SPIN1: variants seen among roughly 807,000 people sequenced by gnomAD.
SPIN1 encodes spindlin-1.
SPIN1 carries 3 observed loss-of-function variants against 26.0 expected under a neutral mutation model. The observed-to-expected ratio is 0.12, with a 90% CI of 0.05 to 0.30. SPIN1 has a LOEUF of 0.30. Among genes scored for constraint, SPIN1 ranks in the 10% least tolerant of loss-of-function variants. SPIN1 has a pLI of 1.00. For missense variants in SPIN1, 126 were observed against 333.4 expected (o/e 0.38, Z 4.84); for synonymous variants, 101 against 116.5 (o/e 0.87, Z 0.86).
intron 1 of SPIN1, among the ~76,000 whole-genome samples, chr9:88,392,329 C>T (rs190778107): frequency 2.6e-5 from 4 of 152,086 alleles, no homozygotes; most frequent in Admixed American, 2.6e-4. Context: ...TCGTGTTTGG[C>T]TAAATATATA....
intron 4 of SPIN1, among the ~76,000 whole-genome samples, chr9:88,465,920 A>G (rs958840983): frequency 6.6e-6 from 1 of 152,232 alleles, no homozygotes; most frequent in East Asian, 1.9e-4. Context: ...AGCAGATATG[A>G]GAATCTACTT....
intron 4 of SPIN1, among the ~76,000 whole-genome samples, chr9:88,464,762 A>G (rs1828629263): frequency 6.6e-6 from 1 of 152,190 alleles, no homozygotes; most frequent in Non-Finnish European, 1.5e-5. Flanking sequence ...AATTGTAAAA[A>G]AACATAGCAT....
intron 2 of SPIN1, among the ~76,000 whole-genome samples, chr9:88,442,272 G>GT (rs965263886): frequency 1.3e-5 from 2 of 151,548 alleles, no homozygotes; most frequent in South Asian, 2.1e-4. Flanking sequence ...TAAGTTAGTA[G>GT]TTTTTTTTCC....
intron 2 of SPIN1, among the ~76,000 whole-genome samples, chr9:88,446,352 G>GA (rs1828250552): frequency 6.6e-6 from 1 of 150,824 alleles, no homozygotes; most frequent in South Asian, 2.1e-4. Flanking sequence ...TGTTGCAAGT[G>GA]GAAGGTATTT....
intron 2 of SPIN1, among the ~76,000 whole-genome samples, chr9:88,441,236 C>A (rs778282767): frequency 6.6e-6 from 1 of 151,574 alleles, no homozygotes; most frequent in Non-Finnish European, 1.5e-5. Flanking sequence ...ACGGGATGTG[C>A]CTAGGTTAGA....
chr9:88,392,592 T>TCTCCTTCCTTCC (rs1019237215), intron 1 of SPIN1, among the ~76,000 whole-genome samples: 1 of 152,042 alleles, frequency 6.6e-6, no homozygotes. Context: ...TCTCCTCTCT[T>TCTCCTTCCTTCC]CTCCTTCCTT....
At chr9:88,412,016 A>C (rs78708087) in intron 1 of SPIN1, among the ~76,000 whole-genome samples, 1 of 128,190 alleles carries the variant, frequency 7.8e-6, no homozygotes, top group Non-Finnish European at 1.6e-5. Flanking sequence ...CTAAAAATAC[A>C]AAAAAAAAAA....
intron 1 of SPIN1, among the ~76,000 whole-genome samples, chr9:88,413,752 C>T (rs933654790): frequency 1.3e-5 from 2 of 152,174 alleles, no homozygotes; most frequent in South Asian, 2.1e-4. Context: ...TTTGGCTTAC[C>T]TCCTTTTATA....
intron 2 of SPIN1, among the ~76,000 whole-genome samples, chr9:88,429,951 T>C (rs1392150895): frequency 6.6e-6 from 1 of 152,106 alleles, no homozygotes; most frequent in Non-Finnish European, 1.5e-5. Context: ...GCCAAATATA[T>C]ATATTTCACA....
chr9:88,392,605 CTCCTTCCTTCCTTCTTTCCTTCCT>C (rs1564019371), intron 1 of SPIN1, among the ~76,000 whole-genome samples: 3 of 151,902 alleles, frequency 2.0e-5, no homozygotes, highest in East Asian at 1.9e-4. Flanking sequence ...CCTTCCTTCC[CTCCTTCCTTCCTTCTTTCCTTCCT>C]TCCTTCCTTC....
intron 4 of SPIN1, among the ~76,000 whole-genome samples, chr9:88,467,194 C>T (rs543851780): frequency 6.6e-6 from 1 of 152,102 alleles, no homozygotes; most frequent in Non-Finnish European, 1.5e-5. Context: ...ATAATTTTCA[C>T]CACTTTTGAA....
intron 3 of SPIN1, among the ~76,000 whole-genome samples, chr9:88,449,747 A>G (rs1163506414): frequency 2.0e-5 from 3 of 152,204 alleles, no homozygotes; most frequent in Admixed American, 6.5e-5. Context: ...CACTTGAACA[A>G]TCTGTTCTGA....
chr9:88,426,133 T>C (rs1827761539), intron 1 of SPIN1, among the ~76,000 whole-genome samples: 2 of 152,342 alleles, frequency 1.3e-5, no homozygotes, highest in Non-Finnish European at 2.9e-5. Context: ...CCAGTTGATC[T>C]TGGAAGAGCT....
chr9:88,395,241 A>G (rs755547874), intron 1 of SPIN1, among the ~76,000 whole-genome samples: 1 of 151,924 alleles, frequency 6.6e-6, no homozygotes, highest in African/African-American at 2.4e-5. Flanking sequence ...CTCTTGCCCC[A>G]GTTGTTTTTG....
intron 1 of SPIN1, among the ~76,000 whole-genome samples, chr9:88,408,928 T>C (rs1415747595): frequency 1.5e-4 from 22 of 146,376 alleles, no homozygotes; most frequent in Middle Eastern, 3.9e-3. Context: ...TCCCAAAGTG[T>C]TGGGATTACA....
chr9:88,467,915 G>A (rs1361459633), intron 4 of SPIN1, among the ~76,000 whole-genome samples: 1 of 150,662 alleles, frequency 6.6e-6, no homozygotes, highest in South Asian at 2.1e-4. Context: ...TAAACGTTCT[G>A]TGGTTATGTA....
At chr9:88,424,069 T>G (rs1449638702) in intron 1 of SPIN1, among the ~76,000 whole-genome samples, 1 of 152,108 alleles carries the variant, frequency 6.6e-6, no homozygotes, top group Non-Finnish European at 1.5e-5. Flanking sequence ...CGCCTGGCCT[T>G]TACATCGTGT....
intron 3 of SPIN1, chr9:88,457,652 C>T (rs555831152): frequency 3.4e-5 from 6 of 178,626 alleles, no homozygotes; most frequent in Admixed American, 6.5e-5. Flanking sequence ...TTTTTTCTCT[C>T]AAAGTACTGA....
intron 1 of SPIN1, among the ~76,000 whole-genome samples, chr9:88,396,878 A>G (rs10868771): frequency 0.19 from 29,247 of 152,030 alleles, 3,799 homozygotes; most frequent in African/African-American, 0.37. Context: ...ACTGTAGACT[A>G]TTGGAACACA....
Sources: allele counts gnomAD v4.1 joint callset (sites outside exome capture counted in the v4.1 genomes callset), GRCh38; gene constraint gnomAD v4.1.1; transcripts MANE v1.5; gene names NCBI Gene and HGNC (gene_info 2026-07-23, HGNC 2026-07-21).